DSP: variants seen among roughly 807,000 people sequenced by gnomAD.
The protein encoded by DSP is 250/210 kDa paraneoplastic pemphigus antigen.
In DSP, 114 loss-of-function variants were observed where a neutral mutation model predicts 290.6. The observed-to-expected ratio is 0.39, with a 90% CI of 0.34 to 0.46. The LOEUF is 0.46. Among genes scored for constraint, DSP ranks in the 20% least tolerant of loss-of-function variants. The probability of loss-of-function intolerance (pLI) is 0.99; values close to 1 mark genes in which losing one functional copy is unlikely to be tolerated. For missense variants in DSP, 3,230 were observed against 3,495.8 expected, an observed-to-expected ratio of 0.92 and a Z score of 1.92; for synonymous variants, 1,311 against 1,316.4, an observed-to-expected ratio of 1.00 and a Z score of 0.09.
At chr6:7,578,321 T>C (rs1480441386) in intron 21 of DSP, 143 bp from the exon 22 acceptor site, 2 of 728,838 alleles carry the variant, frequency 2.7e-6, no homozygotes, top group East Asian at 5.4e-5. Context: ...GTACTTTCTT[T>C]TGCTGATTTT....
In DSP at chr6:7,583,615, G is replaced by T; in HGVS notation, c.6353G>T (p.Arg2118Ile). ...SEAIKKNLID[R>I]ETGMRLLEAQ... ...GCCATCAAGAAAAATTTGATTGATA[G>T]AGAAACCGGAATGCGCCTGCTGGAA... Residue 2118 changes from arginine to isoleucine, a missense_variant, in exon 24 of 24, where the codon AGA becomes ATA. By Grantham distance (97) the Arg-to-Ile change is moderately conservative. This residue lies in a region of DSP where 1,714 missense variants were observed against 1,844.5 expected (regional missense o/e 0.93). Coordinates refer to ENST00000379802, the MANE Select transcript of DSP (RefSeq NM_004415.4). The surrounding 1 kb of genome is among the most constrained non-coding windows in gnomAD (Gnocchi z 4.0). The T allele has an allele frequency of 1.2e-6, 2 of 1,614,194 alleles. No homozygotes were observed. Among genetic ancestry groups the T allele is most frequent in the Non-Finnish European group, 1.7e-6 (2 of 1,180,040 alleles).
chr6:7,541,820 G>T lies in DSP; in HGVS notation c.-96G>T. On this transcript the variant is annotated 5_prime_UTR_variant, in exon 1 of 24. Transcript: ENST00000379802. ...CTTCCGCACTCCCGCCCGGTTCCCC[G>T]GCCGTCCGCCTATCCTTGGCCCCCT... The T allele has an allele frequency of 1.4e-6, 2 of 1,450,258 alleles. No individual in the cohort carries two copies. Among genetic ancestry groups the T allele is most frequent in the East Asian group, 5.2e-5 (2 of 38,778 alleles). The allele number at this position is 1,450,258 out of a possible 1,614,324, so 89.8% of individuals were successfully genotyped here. A position where few individuals can be genotyped will look rare whatever the true frequency, so the allele number is the denominator to read the frequency against.
chr6:7,559,153 A>G (rs1175073587), intron 3 of DSP, 73 bp from the exon 4 acceptor site: 2 of 1,551,118 alleles, frequency 1.3e-6, no homozygotes, highest in East Asian at 2.2e-5. Context: ...GACTCAGAAA[A>G]GGGGAAATTT....
Position 7,579,165 on chromosome 6 carries a change from G to GTA in DSP, c.3085-109_3085-108insAT, listed in dbSNP as rs1759336383. On this transcript the variant is annotated intron_variant, in intron 22 of 23. Transcript: ENST00000379802. The surrounding 1 kb of genome is among the most constrained non-coding windows in gnomAD (Gnocchi z 4.1). ...TCACTCTTTGCATGTATGTCCATGT[G>GTA]TGTAAAGAGAAATAAGAATGCACAT... is the stretch of plus-strand genomic sequence containing the variant. 6 of 1,447,316 alleles carry GTA rather than the reference G, an allele frequency of 4.1e-6. No individual in the cohort carries two copies. The African/African-American group carries it at 5.6e-5, about 14-fold the overall frequency. 89.7% of individuals were successfully genotyped at this position (1,447,316 alleles called of 1,614,324 possible).
At chr6:7,560,727 C>G (rs1418313219) in intron 4 of DSP, among the ~76,000 whole-genome samples, 2 of 152,190 alleles carry the variant, frequency 1.3e-5, no homozygotes, top group Non-Finnish European at 2.9e-5. Flanking sequence ...TGGGGCTTAA[C>G]TACATCTTAA....
chr6:7,581,468 A>G lies in DSP; in HGVS notation c.5278A>G (p.Asn1760Asp). ...LELRSQLQIS[N>D]NRTLELQGLI... The stretch of plus-strand genomic sequence containing the variant: ...ACTAAGGAGCCAGCTGCAGATCAGC[A>G]ACAACCGGACCCTGGAACTGCAGGG... Residue 1760 changes from asparagine (N) to aspartate (D), a missense_variant, in exon 23 of 24, where the codon AAC (asparagine) becomes GAC (aspartate). By Grantham distance (23) the Asn-to-Asp change is conservative (BLOSUM62 1). This residue lies in a region of DSP where 1,714 missense variants were observed against 1,844.5 expected (regional missense o/e 0.93). Coordinates refer to ENST00000379802, the MANE Select transcript of DSP (RefSeq NM_004415.4). 6.2e-7 allele frequency: 1 copy of G among 1,612,994 alleles called. No homozygotes were observed. The highest frequency in any genetic ancestry group is 8.5e-7 in the Non-Finnish European group (1 of 1,179,568).
At position 7,568,529 on chromosome 6, in the gene DSP, A is replaced by G. The variant is rs1250392825; in HGVS notation, c.1359A>G (p.Pro453=). 1 of 1,614,162 alleles carries G rather than the reference A, an allele frequency of 6.2e-7. No individual in the cohort carries two copies. The highest frequency in any genetic ancestry group is 2.2e-5 in the East Asian group (1 of 44,878). Residue 453 remains proline, a synonymous_variant, in exon 11 of 24, where the codon CCA becomes CCG. Transcript: ENST00000379802. The part of the protein sequence containing the change: ...KKIVQLKPRN[P]DYRSNKPIIL... ...TTGTACAGCTGAAGCCTCGTAACCC[A>G]GACTACAGAAGCAATAAACCCATTA...
Position 7,584,811 on chromosome 6 carries a change from G to T in DSP, c.7549G>T (p.Val2517Leu), listed in dbSNP as rs764359340. 3.1e-6 allele frequency: 5 copies of T among 1,614,184 alleles called. No homozygotes were observed. The East Asian group carries it at 1.1e-4, about 36-fold the overall frequency. Residue 2517 changes from valine to leucine, a missense_variant, in exon 24 of 24, where the codon GTG (valine) becomes TTG (leucine). Around this residue, in one of 5 missense-constraint regions of DSP, gnomAD observed 582 missense variants for 555.4 expected, o/e 1.05. Transcript: ENST00000379802. The surrounding 1 kb of genome is among the most constrained non-coding windows in gnomAD (Gnocchi z 6.4). ...CACGGGATCAGATGGCTCCACCAGGGTGGTCCTGGTAGATAGAAAGACAGG... is the reference window on the plus strand; with the variant it reads ...CACGGGATCAGATGGCTCCACCAGGTTGGTCCTGGTAGATAGAAAGACAGG... ...TITGSDGSTR[V>L]VLVDRKTGSQ...
chr6:7,542,243 G>C (rs1256855624), intron 1 of DSP, among the ~76,000 whole-genome samples, 158 bp downstream of exon 1: 3 of 151,840 alleles, frequency 2.0e-5, no homozygotes, highest in Admixed American at 2.0e-4. Flanking sequence ...GCAGGACCGG[G>C]TGTCCTGACG....
chr6:7,555,593 G>A (rs1758483870), intron 1 of DSP, 125 bp from the exon 2 acceptor site: 1 of 753,074 alleles, frequency 1.3e-6, no homozygotes, highest in African/African-American at 1.7e-5. Context: ...TAACAATTGG[G>A]ATTCCGGGTA....
chr6:7,561,671 G>A (rs1052871359), intron 4 of DSP, among the ~76,000 whole-genome samples: 4 of 152,204 alleles, frequency 2.6e-5, no homozygotes, highest in African/African-American at 7.2e-5. Flanking sequence ...AGACAGCTGT[G>A]GGAGAGAAGG....
rs1757991175 is a variant in DSP at position 7,541,960 on chromosome 6, C to T, written c.45C>T (p.Gly15=). 3 of 1,607,886 alleles carry T rather than the reference C, an allele frequency of 1.9e-6. No individual in the cohort carries two copies. The highest frequency in any genetic ancestry group is 1.7e-5 in the Admixed American group (1 of 59,566). The change falls in exon 1 of 24, where the codon GGC becomes GGT. Residue 15 remains glycine, a synonymous_variant. Coordinates refer to ENST00000379802, the MANE Select transcript of DSP (RefSeq NM_004415.4). The part of the protein sequence containing the change: ...GGSHPRINTL[G]RMIRAESGPD... ...CCCACCCGCGGATCAACACTCTGGGCCGCATGATCCGCGCCGAGTCTGGCC... is the reference window on the plus strand; with the variant it reads ...CCCACCCGCGGATCAACACTCTGGGTCGCATGATCCGCGCCGAGTCTGGCC...
At chr6:7,563,425 T>A (rs913521608) in intron 5 of DSP, among the ~76,000 whole-genome samples, 6 of 152,062 alleles carry the variant, frequency 3.9e-5, no homozygotes, top group Non-Finnish European at 8.8e-5. Flanking sequence ...TCTCCTTCAT[T>A]TCTCTAAGAC....
chr6:7,581,875 G>T (rs2113696549), intron 23 of DSP, among the ~76,000 whole-genome samples: 1 of 152,228 alleles, frequency 6.6e-6, no homozygotes, highest in East Asian at 1.9e-4. Flanking sequence ...CTTCTTAGAA[G>T]TTAGCTCTTA....
intron 1 of DSP, among the ~76,000 whole-genome samples, chr6:7,549,015 C>T (rs1758256172): frequency 6.6e-6 from 1 of 152,120 alleles, no homozygotes; most frequent in Admixed American, 6.6e-5. Context: ...TGTGTTTAAA[C>T]TAATGCAAGA....
Position 7,566,498 on chromosome 6 carries a change from T to C in DSP, c.1044+17T>C. The stretch of plus-strand genomic sequence containing the variant: ...AAAATTGAGGTAGGCTTCATGAGGT[T>C]TATATTTTTGTTAGAAAAAAAAAAA... On this transcript the variant is annotated intron_variant, in intron 8 of 23. Coordinates refer to ENST00000379802, the MANE Select transcript of DSP (RefSeq NM_004415.4). 2 of 1,605,404 alleles carry C rather than the reference T, an allele frequency of 1.2e-6. No individual in the cohort carries two copies. The highest frequency in any genetic ancestry group is 1.7e-6 in the Non-Finnish European group (2 of 1,173,542).
intron 13 of DSP, 47 bp downstream of exon 13, chr6:7,570,610 G>A: frequency 6.2e-7 from 1 of 1,609,832 alleles, no homozygotes; most frequent in Non-Finnish European, 8.5e-7. Flanking sequence ...GGGCAGCGCT[G>A]CCCCCCGCAG....
At chr6:7,560,957 T>C (rs901798393) in intron 4 of DSP, among the ~76,000 whole-genome samples, 1 of 57,036 alleles carries the variant, frequency 1.8e-5, no homozygotes, top group Non-Finnish European at 4.1e-5. Flanking sequence ...GTCATTTTCT[T>C]TTTTTTTTTT....
chr6:7,548,159 C>G (rs895629939), intron 1 of DSP, among the ~76,000 whole-genome samples: 2 of 151,832 alleles, frequency 1.3e-5, no homozygotes, highest in African/African-American at 4.8e-5. Flanking sequence ...CGCAACTGCT[C>G]AGGAGGCTGA....
Sources: allele counts gnomAD v4.1 joint callset (sites outside exome capture counted in the v4.1 genomes callset), GRCh38; gene constraint gnomAD v4.1.1; regional missense constraint gnomAD v4.1.1; non-coding constraint Gnocchi (gnomAD v3.1); transcripts MANE v1.5; gene names NCBI Gene and HGNC (gene_info 2026-07-23, HGNC 2026-07-21).